Variants in MYOM1 observed in about 807,000 individuals in gnomAD.
MYOM1 encodes myomesin 1, also known as myomesin-1.
Under a neutral mutation model 205.3 loss-of-function variants are expected in MYOM1, and 164 were observed. The observed-to-expected ratio is 0.80, with a 90% confidence interval of 0.70 to 0.91. The LOEUF (loss-of-function observed/expected upper bound fraction) is 0.91. Ranked by LOEUF, MYOM1 falls within the 40% of genes least tolerant of loss-of-function variation. The pLI, the probability that MYOM1 is intolerant of heterozygous loss-of-function variation, is 0.00. For missense variants in MYOM1, 2,011 were observed against 2,127.3 expected (o/e 0.95, Z 1.08); for synonymous variants, 772 against 789.4 (o/e 0.98, Z 0.37).
Position 3,102,460 on chromosome 18 carries a change from G to T in MYOM1, c.3575+14C>A. 3 of 1,588,556 alleles carry T rather than the reference G, an allele frequency of 1.9e-6. No homozygotes were observed. The highest frequency in any genetic ancestry group is 2.6e-6 in the Non-Finnish European group (3 of 1,166,208). On this transcript the variant is annotated intron_variant, in intron 23 of 37. Coordinates refer to ENST00000356443, the MANE Select transcript of MYOM1 (RefSeq NM_003803.4). ...GAAAAGGAAACCCATGATTGTGATT[G>T]ACATAGTCCTTACTTGTTGCCCTTG... is the stretch of plus-strand genomic sequence containing the variant.
Position 3,126,701 on chromosome 18 carries a change from C to T in MYOM1, c.2991G>A (p.Lys997=), listed in dbSNP as rs1282950415. The part of the protein sequence containing the change: ...NVKAVSEEAY[K]ISNLKENMVY... ...ACACTACAGAAAGTCACGTGCTTACCTTGTATGCCTCCTCACTGACAGCCT... is the reference window on the plus strand; with the variant it reads ...ACACTACAGAAAGTCACGTGCTTACTTTGTATGCCTCCTCACTGACAGCCT... Residue 997 remains lysine (K), a splice_region_variant and synonymous_variant, in exon 19 of 38, where the codon AAG becomes AAA. Coordinates refer to ENST00000356443, the MANE Select transcript of MYOM1 (RefSeq NM_003803.4). 4.3e-6 allele frequency: 7 copies of T among 1,611,298 alleles called. No homozygotes were observed. The highest frequency in any genetic ancestry group is 3.3e-4 in the Middle Eastern group (2 of 6,076).
At chr18:3,155,132 T>C (rs2080278112) in intron 10 of MYOM1, 44 bp from the exon 11 acceptor site, 2 of 1,556,362 alleles carry the variant, frequency 1.3e-6, no homozygotes, top group Non-Finnish European at 1.7e-6. Flanking sequence ...TCAGACATGC[T>C]GTCAGTCGGC....
intron 33 of MYOM1, among the ~76,000 whole-genome samples, chr18:3,080,351 A>G (rs1350243139): frequency 2.0e-5 from 3 of 152,108 alleles, no homozygotes; most frequent in Non-Finnish European, 4.4e-5. Flanking sequence ...TGTTGTAATA[A>G]ACAAAATGAA....
At chr18:3,162,906 G>C (rs1456772107) in intron 10 of MYOM1, among the ~76,000 whole-genome samples, 1 of 151,958 alleles carries the variant, frequency 6.6e-6, no homozygotes, top group Non-Finnish European at 1.5e-5. Flanking sequence ...GGCGCCTGTA[G>C]TCCCAGCTAC....
chr18:3,244,955 AG>A, the MYOM1 span, among the ~76,000 whole-genome samples: 15 of 151,444 alleles, frequency 9.9e-5, 1 homozygote, highest in Admixed American at 4.6e-4. Flanking sequence ...AAATTTAAAA[AG>A]GAAAAAAAAA....
chr18:3,129,789 C>T (rs1320362722), intron 17 of MYOM1, among the ~76,000 whole-genome samples: 1 of 152,130 alleles, frequency 6.6e-6, no homozygotes, highest in Non-Finnish European at 1.5e-5. Context: ...TTTCGATTTG[C>T]AGAACCCAAA....
chr18:3,159,050 G>C (rs1196682601), intron 10 of MYOM1, among the ~76,000 whole-genome samples: 1 of 151,708 alleles, frequency 6.6e-6, no homozygotes, highest in Non-Finnish European at 1.5e-5. Context: ...CTCTGCATGA[G>C]AGAGAGCAAG....
chr18:3,094,352 T>C (rs1218579231), intron 25 of MYOM1, 46 bp from the exon 26 acceptor site: 2 of 1,483,872 alleles, frequency 1.3e-6, no homozygotes, highest in East Asian at 4.7e-5. Flanking sequence ...GGTAACCAAT[T>C]ATATTGGTAC....
Position 3,067,203 on chromosome 18 carries a change from T to C in MYOM1, c.*59A>G. The C allele has an allele frequency of 6.6e-7, 1 of 1,512,726 alleles. No individual in the cohort carries two copies. The highest frequency in any genetic ancestry group is 2.5e-5 in the East Asian group (1 of 40,480). 93.7% of individuals were successfully genotyped at this position (1,512,726 alleles called of 1,614,324 possible). A position where few individuals can be genotyped will look rare whatever the true frequency, so the allele number is the denominator to read the frequency against. On this transcript the variant is annotated 3_prime_UTR_variant, in exon 38 of 38. Transcript: ENST00000356443. ...AGAAAGCATGAAGACGTCTCATCCT[T>C]AACCCAAACCATTCACACCCAAGTC...
intron 19 of MYOM1, 94 bp from the exon 20 acceptor site, chr18:3,120,089 A>T: frequency 6.8e-7 from 1 of 1,471,082 alleles, no homozygotes. Flanking sequence ...CTTCCATGTC[A>T]GACACACCCT....
intron 2 of MYOM1, among the ~76,000 whole-genome samples, chr18:3,212,434 A>G (rs182341065): frequency 6.6e-6 from 1 of 152,354 alleles, no homozygotes; most frequent in African/African-American, 2.4e-5. Flanking sequence ...AGGTTTAATT[A>G]TTAATGATAT....
chr18:3,220,917 C>T (rs1457602980), upstream of MYOM1, among the ~76,000 whole-genome samples: 1 of 152,208 alleles, frequency 6.6e-6, no homozygotes, highest in East Asian at 1.9e-4. Context: ...TATAAAAGCT[C>T]ATTGTTAGAT....
At position 3,149,187 on chromosome 18, in the gene MYOM1, G is replaced by A. The variant is rs759939330; in HGVS notation, c.1858C>T (p.Pro620Ser). 15 of 1,612,870 alleles carry A rather than the reference G, an allele frequency of 9.3e-6. No homozygotes were observed. In the South Asian group the frequency reaches 1.5e-4, roughly 17 times the overall value. The part of the protein sequence containing the change: ...KARLKSRPSA[P>S]WTGQIIVTEE... ...GTAACAATGATCTGTCCAGTCCAGG[G>A]TGCTGAGGGGCGACCTGAATAAAGA... The change falls in exon 13 of 38, where the codon CCC (proline) becomes TCC (serine). Residue 620 changes from proline to serine, a missense_variant. By Grantham distance (74) the Pro-to-Ser change is moderately conservative (BLOSUM62 -1). Transcript: ENST00000356443.
chr18:3,117,111 C>T (rs11081014), intron 20 of MYOM1, among the ~76,000 whole-genome samples: 124,918 of 151,988 alleles, frequency 0.82, 52,632 homozygotes, highest in East Asian at 0.97. Flanking sequence ...TCTGCCTCAG[C>T]CTCCCAAAGT....
In MYOM1 at chr18:3,189,434, A is replaced by G. The variant is rs1413388839; in HGVS notation, c.432-347T>C. ...GAGTGCAGTGGTGCGATCTCAGCTC[A>G]CTGCAACCTTGGCCTCCTTGTTCAA... On this transcript the variant is annotated intron_variant, in intron 3 of 37. Coordinates refer to ENST00000356443, the MANE Select transcript of MYOM1 (RefSeq NM_003803.4). This position sits in a 1 kb window ranked among gnomAD's most constrained non-coding sequence, Gnocchi z 4.8. Among the ~76,000 whole-genome samples, 1 of 150,400 alleles carries G rather than the reference A, an allele frequency of 6.6e-6. No individual in the cohort carries two copies. The highest frequency in any genetic ancestry group is 2.5e-5 in the African/African-American group (1 of 40,780).
chr18:3,124,794 T>A (rs78380594), intron 19 of MYOM1, among the ~76,000 whole-genome samples: 7,776 of 152,164 alleles, frequency 0.051, 493 homozygotes, highest in African/African-American at 0.15. Flanking sequence ...AGTACCTCCA[T>A]GATCTTGGAA....
chr18:3,171,834 G>A (rs914579009), intron 8 of MYOM1, among the ~76,000 whole-genome samples: 7 of 152,198 alleles, frequency 4.6e-5, no homozygotes, highest in African/African-American at 1.7e-4. Context: ...TGTTACAGAG[G>A]CAGAGTTGAG....
At chr18:3,141,782 G>A (rs1206334273) in intron 14 of MYOM1, among the ~76,000 whole-genome samples, 157 bp downstream of exon 14, 1 of 152,142 alleles carries the variant, frequency 6.6e-6, no homozygotes, top group Non-Finnish European at 1.5e-5. Context: ...GATATACTTT[G>A]TTCTATGGAG....
chr18:3,178,527 T>C (rs4798071), intron 5 of MYOM1, among the ~76,000 whole-genome samples: 40,601 of 152,148 alleles, frequency 0.27, 5,984 homozygotes, highest in African/African-American at 0.4. Flanking sequence ...GAAGGAAGAA[T>C]ACTGGCTTCA....
Sources: gnomAD v4.1 joint callset for allele counts (sites outside exome capture counted in the v4.1 genomes callset) on GRCh38, gnomAD v4.1.1 for gene constraint, Gnocchi (gnomAD v3.1) non-coding constraint, MANE v1.5 for transcripts, NCBI Gene and HGNC (gene_info 2026-07-23, HGNC 2026-07-21) for gene names.